BTBD10: variants seen among roughly 807,000 people sequenced by gnomAD.
BTBD10 encodes the protein BTB/POZ domain-containing protein 10.
BTBD10 carries 21 observed loss-of-function variants against 53.2 expected under a neutral mutation model. That is an observed-to-expected ratio of 0.39 (90% CI 0.28 to 0.57). BTBD10 has a LOEUF of 0.57. BTBD10 is among the 20% of genes least tolerant of loss of function. The pLI is 0.53. For missense variants in BTBD10, 360 were observed against 594.7 expected (o/e 0.61, Z 4.10); for synonymous variants, 149 against 192.7 (o/e 0.77, Z 1.88).
At chr11:13,394,164 T>C (rs1178251861) in intron 8 of BTBD10, among the ~76,000 whole-genome samples, 1 of 152,162 alleles carries the variant, frequency 6.6e-6, no homozygotes, top group African/African-American at 2.4e-5. Flanking sequence ...AGCATCTTAA[T>C]CTTATAATGG....
intron 1 of BTBD10, among the ~76,000 whole-genome samples, chr11:13,461,011 A>C (rs1951082830): frequency 6.6e-6 from 1 of 152,264 alleles, no homozygotes; most frequent in Admixed American, 6.5e-5. Flanking sequence ...TAAAACGTTT[A>C]TAGTAAATAC....
At chr11:13,423,874 A>G (rs953465619) in intron 2 of BTBD10, among the ~76,000 whole-genome samples, 1 of 152,184 alleles carries the variant, frequency 6.6e-6, no homozygotes, top group Non-Finnish European at 1.5e-5. Context: ...AGCCTTTATC[A>G]GTTATTTGTT....
At position 13,419,557 on chromosome 11, in the gene BTBD10, T is replaced by A; in HGVS notation, c.487A>T (p.Ile163Leu). Residue 163 changes from isoleucine to leucine, a missense_variant, in exon 4 of 9, where the codon ATA (isoleucine) becomes TTA (leucine). By Grantham distance (5) the Ile-to-Leu change is conservative. Transcript: ENST00000278174. ...AGTGTCACTCGTTCTGACGTTCTTA[T>A]ATTCCGAGCTCCTTCTTTTGCATTT... The part of the protein sequence containing the change: ...YENAKEGARN[I>L]RTSERVTLIV... 6.2e-7 allele frequency: 1 copy of A among 1,614,182 alleles called. No homozygotes were observed. Among genetic ancestry groups the A allele is most frequent in the Non-Finnish European group, 8.5e-7 (1 of 1,180,000 alleles).
At chr11:13,428,154 AAAT>A (rs951046014) in intron 2 of BTBD10, among the ~76,000 whole-genome samples, 2 of 152,136 alleles carry the variant, frequency 1.3e-5, no homozygotes, top group African/African-American at 4.8e-5. Context: ...ACAGATACTA[AAAT>A]AATAATAAAA....
chr11:13,389,178 C>T, intron 8 of BTBD10, 37 bp from the exon 9 acceptor site: 2 of 1,550,568 alleles, frequency 1.3e-6, no homozygotes, highest in South Asian at 2.4e-5. Context: ...TGAGGAGACA[C>T]ACACAGACCT....
At chr11:13,445,525 A>G (rs1225611225) in intron 1 of BTBD10, among the ~76,000 whole-genome samples, 3 of 152,208 alleles carry the variant, frequency 2.0e-5, no homozygotes, top group African/African-American at 7.2e-5. Flanking sequence ...CAGAATGATT[A>G]TTTTAGACAC....
At chr11:13,445,622 A>G (rs1178180944) in intron 1 of BTBD10, among the ~76,000 whole-genome samples, 1 of 152,182 alleles carries the variant, frequency 6.6e-6, no homozygotes, top group East Asian at 1.9e-4. Context: ...CAATGTTATT[A>G]TTTCTTTAAT....
At chr11:13,435,480 A>G (rs935362313) in intron 2 of BTBD10, among the ~76,000 whole-genome samples, 1 of 152,102 alleles carries the variant, frequency 6.6e-6, no homozygotes, top group African/African-American at 2.4e-5. Flanking sequence ...ATGATTGTGA[A>G]TATTTTAATA....
chr11:13,396,147 G>A (rs1341692998), intron 8 of BTBD10, among the ~76,000 whole-genome samples: 2 of 152,098 alleles, frequency 1.3e-5, no homozygotes, highest in African/African-American at 2.4e-5. Context: ...CCATTTTCAC[G>A]ATATTGATTC....
chr11:13,388,309 GATAA>G lies in BTBD10; in HGVS notation c.*518_*521del, dbSNP rs1263050699. 1 of 154,590 alleles carries G rather than the reference GATAA, an allele frequency of 6.5e-6. No individual in the cohort carries two copies. The highest frequency in any genetic ancestry group is 6.3e-5 in the Admixed American group (1 of 15,756). 9.6% of individuals were successfully genotyped at this position (154,590 alleles called of 1,614,324 possible). A position where few individuals can be genotyped will look rare whatever the true frequency, so the allele number is the denominator to read the frequency against. The stretch of plus-strand genomic sequence containing the variant: ...ATCCTGATCATTCAGATAAGCCCAA[GATAA>G]ATACTTTTTGCTCATCAAGGGCAGC... On this transcript the variant is annotated 3_prime_UTR_variant, in exon 9 of 9. Coordinates refer to ENST00000278174, the MANE Select transcript of BTBD10 (RefSeq NM_032320.7).
At chr11:13,461,647 C>T (rs570220880) in intron 1 of BTBD10, among the ~76,000 whole-genome samples, 1 of 152,244 alleles carries the variant, frequency 6.6e-6, no homozygotes, top group East Asian at 1.9e-4. Flanking sequence ...AAAATTCAGA[C>T]TGGTGGAAGG....
intron 4 of BTBD10, among the ~76,000 whole-genome samples, chr11:13,418,515 G>A (rs573216335): frequency 2.6e-5 from 4 of 151,778 alleles, no homozygotes; most frequent in South Asian, 2.1e-4. Flanking sequence ...GATTTCTGTC[G>A]ATAATCCTCC....
At position 13,419,689 on chromosome 11, in the gene BTBD10, A is replaced by G; in HGVS notation, c.355T>C (p.Ser119Pro). The change falls in exon 4 of 9, where the codon TCC (serine) becomes CCC (proline). Residue 119 changes from serine to proline, a missense_variant. Ser to Pro is a moderately conservative substitution (Grantham distance 74, BLOSUM62 -1). Transcript: ENST00000278174. Reference protein sequence around the residue: ...RPSSPRPQKASPNGSISSAGN... With the variant: ...RPSSPRPQKAPPNGSISSAGN... ...GCACTGCTAATGGAACCATTTGGGG[A>G]TGCTTTTTGAGGACGCGGACTGCTT... 1.2e-6 allele frequency: 2 copies of G among 1,613,696 alleles called. No homozygotes were observed. Among genetic ancestry groups the G allele is most frequent in the Non-Finnish European group, 1.7e-6 (2 of 1,179,846 alleles).
intron 8 of BTBD10, among the ~76,000 whole-genome samples, chr11:13,397,791 C>T (rs953280828): frequency 2.0e-5 from 3 of 152,176 alleles, no homozygotes; most frequent in Non-Finnish European, 2.9e-5. Flanking sequence ...GCCTTCATTT[C>T]GTTATGTACC....
intron 5 of BTBD10, among the ~76,000 whole-genome samples, chr11:13,416,756 C>T (rs1035929636): frequency 6.6e-6 from 1 of 152,062 alleles, no homozygotes; most frequent in Admixed American, 6.5e-5. Flanking sequence ...GCAGGAGGAT[C>T]GCTTGAGCCC....
intron 6 of BTBD10, among the ~76,000 whole-genome samples, chr11:13,406,660 AAACTGG>A (rs1308429390): frequency 9.2e-5 from 14 of 151,694 alleles, no homozygotes; most frequent in African/African-American, 3.4e-4. Context: ...TGTGTTGTAA[AAACTGG>A]AGAACTGGAG....
chr11:13,398,015 T>C (rs868082690), intron 8 of BTBD10, among the ~76,000 whole-genome samples: 1 of 152,196 alleles, frequency 6.6e-6, no homozygotes, highest in African/African-American at 2.4e-5. Context: ...GAATGTATAT[T>C]CTGTTGATTT....
At chr11:13,427,492 T>C (rs757174907) in intron 2 of BTBD10, among the ~76,000 whole-genome samples, 1 of 152,138 alleles carries the variant, frequency 6.6e-6, no homozygotes, top group Non-Finnish European at 1.5e-5. Context: ...CAAAAACTGA[T>C]AAAACTATGA....
chr11:13,425,274 A>G (rs1264584353), intron 2 of BTBD10, among the ~76,000 whole-genome samples: 1 of 152,226 alleles, frequency 6.6e-6, no homozygotes, highest in Non-Finnish European at 1.5e-5. Context: ...TAGACTGAGC[A>G]CTGTTCCAGT....
Sources: gnomAD v4.1 joint callset for allele counts (sites outside exome capture counted in the v4.1 genomes callset) on GRCh38, gnomAD v4.1.1 for gene constraint, MANE v1.5 for transcripts, NCBI Gene and HGNC (gene_info 2026-07-23, HGNC 2026-07-21) for gene names.